VAV2: variants seen among roughly 807,000 people sequenced by gnomAD.
VAV2 encodes vav guanine nucleotide exchange factor 2, also known as guanine nucleotide exchange factor VAV2.
VAV2 carries 67 observed loss-of-function variants against 132.5 expected under a neutral mutation model. The ratio of observed to expected loss-of-function variants is 0.51; its 90% CI spans 0.42 to 0.62. The LOEUF (loss-of-function observed/expected upper bound fraction) is 0.62. VAV2 is among the 20% of genes least tolerant of loss of function. VAV2 has a pLI of 0.00. For missense variants in VAV2, 938 were observed against 1,153.6 expected, an observed-to-expected ratio of 0.81 and a Z score of 2.71; for synonymous variants, 492 against 443.5, an observed-to-expected ratio of 1.11 and a Z score of -1.37.
intron 1 of VAV2, among the ~76,000 whole-genome samples, chr9:133,948,021 C>T (rs1032337789): frequency 6.6e-6 from 1 of 152,102 alleles, no homozygotes; most frequent in African/African-American, 2.4e-5. Context: ...AAACTCCTGG[C>T]CTCAAGTGAT....
chr9:133,928,651 C>T lies in VAV2; in HGVS notation c.321+10452G>A, dbSNP rs1041627149. 6.6e-6 allele frequency among the ~76,000 whole-genome samples: 1 copy of T among 152,180 alleles called. No individual in the cohort carries two copies. The highest frequency in any genetic ancestry group is 2.1e-4 in the South Asian group (1 of 4,820). Reference sequence around the variant, plus strand: ...GGAAATGAACAAACACATGCAGCCTCGGGGCCTGGGTGTGGAGATAAGGGG... The same window carrying T: ...GGAAATGAACAAACACATGCAGCCTTGGGGCCTGGGTGTGGAGATAAGGGG... On this transcript the variant is annotated intron_variant, in intron 2 of 29. Transcript: ENST00000371850. The surrounding 1 kb of genome is among the most constrained non-coding windows in gnomAD (Gnocchi z 5.4).
intron 2 of VAV2, among the ~76,000 whole-genome samples, chr9:133,905,026 C>T (rs1026744727): frequency 3.9e-5 from 6 of 152,184 alleles, no homozygotes; most frequent in Non-Finnish European, 5.9e-5. Context: ...GGCAGTGCCA[C>T]GGGCAGCACC....
chr9:133,807,202 C>T, intron 8 of VAV2, 56 bp downstream of exon 8: 1 of 1,569,690 alleles, frequency 6.4e-7, no homozygotes, highest in Non-Finnish European at 8.6e-7. Flanking sequence ...CATGTGTGGC[C>T]AGTGCCGAGT....
intron 1 of VAV2, among the ~76,000 whole-genome samples, chr9:133,981,561 T>C (rs1842695027): frequency 1.3e-5 from 2 of 152,180 alleles, no homozygotes; most frequent in Admixed American, 1.3e-4. Flanking sequence ...TGAGGCTCAG[T>C]GGGCCCTGCT....
intron 1 of VAV2, among the ~76,000 whole-genome samples, chr9:133,942,703 T>C (rs996755830): frequency 6.6e-6 from 1 of 152,206 alleles, no homozygotes; most frequent in Admixed American, 6.5e-5. Context: ...GGGCACAGGA[T>C]GGGCCCAGCG....
intron 22 of VAV2, among the ~76,000 whole-genome samples, chr9:133,778,166 G>A (rs577890173): frequency 6.7e-6 from 1 of 149,748 alleles, no homozygotes; most frequent in South Asian, 2.1e-4. Flanking sequence ...TCTGCTGAAG[G>A]TGGGGATGAA....
intron 2 of VAV2, among the ~76,000 whole-genome samples, chr9:133,878,053 A>T (rs952327094): frequency 6.6e-6 from 1 of 152,132 alleles, no homozygotes; most frequent in African/African-American, 2.4e-5. Flanking sequence ...AGGCTGTCTG[A>T]CGGTGAAGGA....
chr9:133,919,059 TACCACCCCCGGCCGCC>T lies in VAV2; in HGVS notation c.321+20028_321+20043del, dbSNP rs1840204833. Among the ~76,000 whole-genome samples, 1 of 152,020 alleles carries T rather than the reference TACCACCCCCGGCCGCC, an allele frequency of 6.6e-6. No individual in the cohort carries two copies. Among genetic ancestry groups the T allele is most frequent in the Admixed American group, 6.6e-5 (1 of 15,244 alleles). On this transcript the variant is annotated intron_variant, in intron 2 of 29. Coordinates refer to ENST00000371850, the MANE Select transcript of VAV2 (RefSeq NM_001134398.2). The surrounding 1 kb of genome is among the most constrained non-coding windows in gnomAD (Gnocchi z 5.8). ...AAGTGCTGGGATTACAGGTGAGAGCTACCACCCCCGGCCGCCACCATGTTTTTAAAGACTTCCCCAC... is the reference window on the plus strand; with the variant it reads ...AAGTGCTGGGATTACAGGTGAGAGCTACCATGTTTTTAAAGACTTCCCCAC...
chr9:133,783,677 C>G lies in VAV2; in HGVS notation c.1635-86G>C, dbSNP rs75563752. 2,093 of 1,224,938 alleles carry G rather than the reference C, an allele frequency of 1.7e-3. 22 individuals are homozygous for G. In the African/African-American group the frequency reaches 0.024, roughly 14 times the overall value. 75.9% of individuals were successfully genotyped at this position (1,224,938 alleles called of 1,614,324 possible). On this transcript the variant is annotated intron_variant, in intron 18 of 29. Transcript: ENST00000371850. The stretch of plus-strand genomic sequence containing the variant: ...CCAAGGTCAAGGCCCTTGTCCCCAC[C>G]CAGGCTCACCTGGCTGGCTGTCTCC...
chr9:133,976,938 G>A (rs1842531310), intron 1 of VAV2, among the ~76,000 whole-genome samples: 1 of 152,242 alleles, frequency 6.6e-6, no homozygotes, highest in Non-Finnish European at 1.5e-5. Context: ...AGCAGCTCCA[G>A]GACTCCAGCC....
Position 133,991,391 on chromosome 9 carries a change from C to T in VAV2, c.204+684G>A, listed in dbSNP as rs1438119291. Reference sequence around the variant, plus strand: ...CCGCCGCGACAAAGGCCACACTCAGCGCCCGAAGGAGGGGTGGGGGTGTTG... The same window carrying T: ...CCGCCGCGACAAAGGCCACACTCAGTGCCCGAAGGAGGGGTGGGGGTGTTG... On this transcript the variant is annotated intron_variant, in intron 1 of 29. Transcript: ENST00000371850. The surrounding 1 kb of genome is among the most constrained non-coding windows in gnomAD (Gnocchi z 4.8). 6.6e-6 allele frequency among the ~76,000 whole-genome samples: 1 copy of T among 152,156 alleles called. No individual in the cohort carries two copies. Among genetic ancestry groups the T allele is most frequent in the Non-Finnish European group, 1.5e-5 (1 of 68,010 alleles).
intron 2 of VAV2, among the ~76,000 whole-genome samples, chr9:133,866,867 G>T (rs899083109): frequency 6.6e-6 from 1 of 151,944 alleles, no homozygotes; most frequent in South Asian, 2.1e-4. Context: ...ATGATGGGGT[G>T]GTGTCTGTTT....
chr9:133,984,256 G>A (rs1790568594), intron 1 of VAV2, among the ~76,000 whole-genome samples: 1 of 151,856 alleles, frequency 6.6e-6, no homozygotes, highest in African/African-American at 2.4e-5. Context: ...TTACAGGCGT[G>A]AGCCACTGTA....
chr9:133,796,222 T>C (rs564542973), intron 11 of VAV2, among the ~76,000 whole-genome samples: 7 of 152,366 alleles, frequency 4.6e-5, no homozygotes, highest in African/African-American at 1.4e-4. Flanking sequence ...TCTTTAGTGA[T>C]TGGACTCATC....
At chr9:133,875,180 G>A (rs542788449) in intron 2 of VAV2, among the ~76,000 whole-genome samples, 1 of 152,338 alleles carries the variant, frequency 6.6e-6, no homozygotes, top group South Asian at 2.1e-4. Context: ...TCACGTGTGT[G>A]CAAGCCGGGG....
chr9:133,810,362 G>A (rs768529125), intron 5 of VAV2, among the ~76,000 whole-genome samples, 157 bp from the exon 6 acceptor site: 51 of 152,196 alleles, frequency 3.4e-4, no homozygotes, highest in Non-Finnish European at 6.5e-4. Flanking sequence ...TGGGCAGGGC[G>A]ATGGCTCATG....
At chr9:133,831,810 C>T (rs1836276007) in intron 4 of VAV2, among the ~76,000 whole-genome samples, 1 of 152,226 alleles carries the variant, frequency 6.6e-6, no homozygotes, top group African/African-American at 2.4e-5. Flanking sequence ...TCCCCAGGCT[C>T]TGGGGGGCAC....
intron 2 of VAV2, among the ~76,000 whole-genome samples, chr9:133,892,641 G>T (rs113422736): frequency 6.6e-6 from 1 of 152,270 alleles, no homozygotes; most frequent in African/African-American, 2.4e-5. Flanking sequence ...GGGCGTCAGA[G>T]TCCAGCAGAG....
rs1839280915 is a variant in VAV2 at position 133,898,005 on chromosome 9, G to C, written c.322-36573C>G. Among the ~76,000 whole-genome samples the C allele has an allele frequency of 2.0e-5, 3 of 152,096 alleles. No homozygotes were observed. The South Asian group carries it at 6.2e-4, about 31-fold the overall frequency. On this transcript the variant is annotated intron_variant, in intron 2 of 29. Transcript: ENST00000371850. Reference sequence around the variant, plus strand: ...CTGGTGGTTGGAAGGGGCCCAGCAGGGCTTAGGGACACTCTGCCCAGACAG... The same window carrying C: ...CTGGTGGTTGGAAGGGGCCCAGCAGCGCTTAGGGACACTCTGCCCAGACAG...
Sources: allele counts gnomAD v4.1 joint callset (sites outside exome capture counted in the v4.1 genomes callset), GRCh38; gene constraint gnomAD v4.1.1; non-coding constraint Gnocchi (gnomAD v3.1); transcripts MANE v1.5; gene names NCBI Gene and HGNC (gene_info 2026-07-23, HGNC 2026-07-21).